Variants in FAH observed in about 807,000 individuals in gnomAD.
FAH encodes the protein fumarylacetoacetate hydrolase, also known as fumarylacetoacetase.
A neutral mutation model predicts 55.8 loss-of-function variants in FAH; 47 were observed. The observed-to-expected ratio is 0.84, with a 90% CI of 0.67 to 1.07. The LOEUF (loss-of-function observed/expected upper bound fraction) is 1.07, where lower values mean the gene tolerates loss of function less well. Among genes scored for constraint, FAH ranks in the 50% least tolerant of loss-of-function variants. FAH has a pLI of 0.00. For synonymous variants in FAH, 199 were observed against 207.7 expected (o/e 0.96, Z 0.36); for missense variants, 495 against 545.9 (o/e 0.91, Z 0.93).
chr15:80,185,926 G>A lies in FAH; in HGVS notation c.1181-204G>A, dbSNP rs12898576. Among the ~76,000 whole-genome samples the A allele has an allele frequency of 0.13, 19,446 of 152,130 alleles. 1,363 individuals carry two copies. Among genetic ancestry groups the A allele is most frequent in the South Asian group, 0.15 (709 of 4,822 alleles). Reference sequence around the variant, plus strand: ...GGATCCCTGGCTGTGGGGTGGGCCCGGGTTCTAGTCCAAGGGCTCCTGCGT... The same window carrying A: ...GGATCCCTGGCTGTGGGGTGGGCCCAGGTTCTAGTCCAAGGGCTCCTGCGT... On this transcript the variant is annotated intron_variant, in intron 13 of 13. Transcript: ENST00000561421.
At chr15:80,153,163 C>T (rs1201695870) in intron 1 of FAH, 28 bp downstream of exon 1, 8 of 1,481,710 alleles carry the variant, frequency 5.4e-6, no homozygotes, top group Non-Finnish European at 5.5e-6. Flanking sequence ...GGCGTCCGGG[C>T]GCGGGGAGGG....
chr15:80,177,568 C>T lies in FAH; in HGVS notation c.945C>T (p.Cys315=). Residue 315 remains cysteine (C), a synonymous_variant, in exon 11 of 14, where the codon TGC becomes TGT. Coordinates refer to ENST00000561421, the MANE Select transcript of FAH (RefSeq NM_000137.4). ...GAATGAGCCAGGCGGCTACCATATG[C>T]AAGTCCAATTTTAAGGTAAGCTTTG... ...GEGMSQAATI[C]KSNFKYMYWT... 6.2e-7 allele frequency: 1 copy of T among 1,614,034 alleles called. No homozygotes were observed.
At chr15:80,160,702 G>A (rs964875922) in intron 4 of FAH, among the ~76,000 whole-genome samples, 1 of 152,204 alleles carries the variant, frequency 6.6e-6, no homozygotes, top group African/African-American at 2.4e-5. Context: ...TTCATGACTA[G>A]CCGCATGGCT....
intron 7 of FAH, 118 bp from the exon 8 acceptor site, chr15:80,172,031 C>G (rs2041245179): frequency 1.3e-6 from 1 of 797,718 alleles, no homozygotes. Context: ...TGCCAGGCCC[C>G]TGTGGCAGTC....
chr15:80,161,629 C>G (rs11852901), intron 4 of FAH, among the ~76,000 whole-genome samples: 1 of 152,260 alleles, frequency 6.6e-6, no homozygotes, highest in East Asian at 1.9e-4. Context: ...AGTGTGCAAG[C>G]CCTTGTCCTT....
intron 5 of FAH, chr15:80,166,242 G>T (rs1357819552): frequency 2.6e-5 from 4 of 151,986 alleles, no homozygotes; most frequent in Admixed American, 2.0e-4. Flanking sequence ...TCCTGCCTCA[G>T]CCCCCTAAGT....
chr15:80,168,348 A>G, intron 7 of FAH, 32 bp downstream of exon 7: 1 of 1,607,784 alleles, frequency 6.2e-7, no homozygotes, highest in Non-Finnish European at 8.5e-7. Context: ...TTGCCATGGG[A>G]TCTATAGACA....
rs28391413 is a variant in FAH, at chr15:80,155,892, C to T, written c.82-2168C>T. The T allele has an allele frequency of 4.8e-3, 2,313 of 477,574 alleles. 49 individuals are homozygous for T. Among genetic ancestry groups the T allele is most frequent in the African/African-American group, 0.041 (2,096 of 50,880 alleles). The allele number at this position is 477,574 out of a possible 1,614,324, so 29.6% of individuals were successfully genotyped here. ...GAAAGATCAAAGACTTTAAGACTTT[C>T]GCTATTTCTTCTACCGCTATCTACT... On this transcript the variant is annotated intron_variant, in intron 1 of 13. Transcript: ENST00000561421.
Position 80,157,854 on chromosome 15 carries a change from G to C in FAH, c.82-206G>C, listed in dbSNP as rs116522440. 384 of 609,080 alleles carry C rather than the reference G, an allele frequency of 6.3e-4. 1 individual carries two copies. In the African/African-American group the frequency reaches 6.3e-3, roughly 10 times the overall value. The allele number at this position is 609,080 out of a possible 1,614,324, so 37.7% of individuals were successfully genotyped here. ...ATTTCTTTCCCATTCAGGGAACACA[G>C]ATTATTTTTCCTTTTAGTTCTGGAA... On this transcript the variant is annotated intron_variant, in intron 1 of 13. Transcript: ENST00000561421.
intron 2 of FAH, among the ~76,000 whole-genome samples, chr15:80,158,636 T>C (rs1007024506): frequency 6.6e-6 from 1 of 152,152 alleles, no homozygotes; most frequent in African/African-American, 2.4e-5. Context: ...TCCCTGTAAA[T>C]GGTCATCTAC....
chr15:80,165,650 A>G (rs1398423623), intron 5 of FAH, among the ~76,000 whole-genome samples: 4 of 151,368 alleles, frequency 2.6e-5, no homozygotes, highest in African/African-American at 9.7e-5. Context: ...AGCTGAGATC[A>G]CACCACTGCA....
intron 7 of FAH, among the ~76,000 whole-genome samples, chr15:80,169,168 A>G (rs764871028): frequency 1.4e-4 from 22 of 152,130 alleles, no homozygotes; most frequent in Non-Finnish European, 2.4e-4. Flanking sequence ...GGATCACCTG[A>G]GGTCAGGAGT....
chr15:80,181,221 G>T, intron 13 of FAH, 62 bp downstream of exon 13: 14 of 1,201,588 alleles, frequency 1.2e-5, no homozygotes, highest in Middle Eastern at 4.2e-4. Flanking sequence ...TGTTCTAGCT[G>T]CGGGGCGCTC....
In FAH at chr15:80,161,986, T is replaced by G. The variant is rs1034691581; in HGVS notation, c.365-260T>G. Among the ~76,000 whole-genome samples the G allele has an allele frequency of 2.0e-5, 3 of 152,240 alleles. No individual in the cohort carries two copies. In the South Asian group the frequency reaches 6.2e-4, roughly 31 times the overall value. On this transcript the variant is annotated intron_variant, in intron 4 of 13. Transcript: ENST00000561421. ...TGAGAAGGGAGGTGGTATCAGCCAC[T>G]TGGTGTTCACATTCCACTGTCAGTT...
At chr15:80,183,132 G>A (rs1019895246) in intron 13 of FAH, among the ~76,000 whole-genome samples, 6 of 152,164 alleles carry the variant, frequency 3.9e-5, no homozygotes, top group South Asian at 4.1e-4. Context: ...GCCTTACTCC[G>A]GAAGGATTTT....
intron 11 of FAH, 59 bp from the exon 12 acceptor site, chr15:80,180,065 T>G: frequency 6.5e-6 from 8 of 1,226,088 alleles, no homozygotes; most frequent in Non-Finnish European, 9.4e-6. Context: ...CCCAGCTGCC[T>G]CCGGGATGCT....
intron 4 of FAH, among the ~76,000 whole-genome samples, chr15:80,161,221 A>G (rs1294729479): frequency 6.6e-6 from 1 of 150,894 alleles, no homozygotes; most frequent in African/African-American, 2.4e-5. Flanking sequence ...TGTGCAAACC[A>G]TATGTCTTTC....
intron 1 of FAH, among the ~76,000 whole-genome samples, chr15:80,154,677 A>T (rs1344623240): frequency 1.3e-5 from 2 of 152,202 alleles, no homozygotes; most frequent in Non-Finnish European, 2.9e-5. Flanking sequence ...TCCTAATTTG[A>T]GTGGAATAAC....
intron 5 of FAH, among the ~76,000 whole-genome samples, chr15:80,164,692 C>A (rs2041177290): frequency 6.6e-6 from 1 of 152,152 alleles, no homozygotes; most frequent in Non-Finnish European, 1.5e-5. Flanking sequence ...ATTACTAACT[C>A]CTTTTTTTCA....
Sources: gnomAD v4.1 joint callset for allele counts (sites outside exome capture counted in the v4.1 genomes callset) on GRCh38, gnomAD v4.1.1 for gene constraint, MANE v1.5 for transcripts, NCBI Gene and HGNC (gene_info 2026-07-23, HGNC 2026-07-21) for gene names.